ADGRL3: variants seen among roughly 807,000 people sequenced by gnomAD.
The protein encoded by ADGRL3 is calcium-independent alpha-latrotoxin receptor 3.
In ADGRL3, 62 loss-of-function variants were observed where a neutral mutation model predicts 153.5. That is an observed-to-expected ratio of 0.40 (90% CI 0.33 to 0.50). The LOEUF (loss-of-function observed/expected upper bound fraction) is 0.50. ADGRL3 is among the 20% of genes least tolerant of loss of function. ADGRL3 has a pLI of 0.47. For synonymous variants in ADGRL3, 710 were observed against 672.5 expected (o/e 1.06, Z -0.86); for missense variants, 1,641 against 1,859.4 (o/e 0.88, Z 2.16).
intron 9 of ADGRL3, among the ~76,000 whole-genome samples, chr4:61,877,956 A>G (rs1164909935): frequency 6.7e-6 from 1 of 150,214 alleles, no homozygotes; most frequent in African/African-American, 2.5e-5. Flanking sequence ...TTACCCCTTC[A>G]CTCTCTCTCT....
intron 5 of ADGRL3, among the ~76,000 whole-genome samples, chr4:61,639,166 G>T (rs562812533): frequency 3.3e-5 from 5 of 152,040 alleles, no homozygotes; most frequent in Non-Finnish European, 7.4e-5. Context: ...GCCTTTGTAC[G>T]CTAAAATAGA....
At chr4:61,986,864 A>G (rs756450116) in intron 19 of ADGRL3, among the ~76,000 whole-genome samples, 1 of 152,170 alleles carries the variant, frequency 6.6e-6, no homozygotes, top group African/African-American at 2.4e-5. Context: ...TCCAACATCT[A>G]TACAGTGCTG....
intron 1 of ADGRL3, among the ~76,000 whole-genome samples, chr4:61,236,934 T>G (rs1032352271): frequency 6.6e-6 from 1 of 152,312 alleles, no homozygotes. Context: ...AATTTGACTT[T>G]CTATTTCAGA....
At chr4:62,042,090 T>C (rs571158199) in intron 24 of ADGRL3, among the ~76,000 whole-genome samples, 1 of 152,128 alleles carries the variant, frequency 6.6e-6, no homozygotes, top group African/African-American at 2.4e-5. Flanking sequence ...AATTAATTTA[T>C]ATAGATGTAT....
At chr4:61,767,994 A>G (rs1450177754) in intron 8 of ADGRL3, among the ~76,000 whole-genome samples, 1 of 152,092 alleles carries the variant, frequency 6.6e-6, no homozygotes, top group African/African-American at 2.4e-5. Flanking sequence ...GGGTAATAAA[A>G]TGTATATTGA....
intron 1 of ADGRL3, among the ~76,000 whole-genome samples, chr4:61,321,169 CAT>C (rs1385589461): frequency 1.3e-5 from 2 of 152,116 alleles, no homozygotes; most frequent in Non-Finnish European, 2.9e-5. Flanking sequence ...TGCCATGTAA[CAT>C]AATAAGCTCT....
intron 5 of ADGRL3, among the ~76,000 whole-genome samples, chr4:61,601,965 T>A (rs2099013861): frequency 6.6e-6 from 1 of 152,310 alleles, no homozygotes; most frequent in African/African-American, 2.4e-5. Flanking sequence ...TGTGAATATA[T>A]GTTGTTAGAT....
intron 21 of ADGRL3, among the ~76,000 whole-genome samples, chr4:62,015,812 T>C (rs1024793306): frequency 3.3e-5 from 5 of 152,072 alleles, no homozygotes; most frequent in African/African-American, 4.8e-5. Flanking sequence ...CTTGCTGATA[T>C]ACATTTTGAA....
chr4:61,646,925 C>G (rs771671880), intron 5 of ADGRL3, among the ~76,000 whole-genome samples: 2 of 152,154 alleles, frequency 1.3e-5, no homozygotes, highest in Non-Finnish European at 2.9e-5. Flanking sequence ...TAGCAATCAG[C>G]GAGACTCCGT....
chr4:61,431,347 G>A (rs1462933553), intron 2 of ADGRL3, among the ~76,000 whole-genome samples: 1 of 152,144 alleles, frequency 6.6e-6, no homozygotes, highest in African/African-American at 2.4e-5. Flanking sequence ...TGTCCTCCTT[G>A]GATAGCAGGT....
chr4:61,456,646 A>G (rs757699898), intron 2 of ADGRL3, among the ~76,000 whole-genome samples: 14 of 151,372 alleles, frequency 9.2e-5, no homozygotes, highest in Non-Finnish European at 1.8e-4. Context: ...GTACAAAATG[A>G]TATGTGGCTC....
chr4:61,839,429 C>G (rs2148969905), intron 9 of ADGRL3, among the ~76,000 whole-genome samples: 1 of 152,050 alleles, frequency 6.6e-6, no homozygotes, highest in Admixed American at 6.6e-5. Flanking sequence ...CTCTTGTGCT[C>G]AAGAAATTCT....
chr4:61,887,112 T>C (rs2149537231), intron 9 of ADGRL3, among the ~76,000 whole-genome samples: 1 of 151,862 alleles, frequency 6.6e-6, no homozygotes, highest in Non-Finnish European at 1.5e-5. Flanking sequence ...TGATCTGCCC[T>C]CCTCAGCCTC....
intron 9 of ADGRL3, among the ~76,000 whole-genome samples, chr4:61,822,712 G>A (rs575659257): frequency 6.6e-6 from 1 of 152,218 alleles, no homozygotes; most frequent in South Asian, 2.1e-4. Context: ...ATCCCAGAGA[G>A]TAGAATGATC....
At chr4:61,314,540 A>C (rs1218803381) in intron 1 of ADGRL3, among the ~76,000 whole-genome samples, 3 of 152,212 alleles carry the variant, frequency 2.0e-5, no homozygotes, top group African/African-American at 7.2e-5. Context: ...GATCCCATGC[A>C]GTGATCTTAT....
chr4:61,657,596 T>G (rs2094476341), intron 5 of ADGRL3, among the ~76,000 whole-genome samples: 1 of 152,148 alleles, frequency 6.6e-6, no homozygotes, highest in African/African-American at 2.4e-5. Context: ...AAATTGTCTT[T>G]TTAATACTAT....
intron 8 of ADGRL3, among the ~76,000 whole-genome samples, chr4:61,748,897 A>G (rs1239830264): frequency 6.6e-6 from 1 of 151,474 alleles, no homozygotes; most frequent in Non-Finnish European, 1.5e-5. Flanking sequence ...GCACAGCAAA[A>G]GAAACTACCA....
At chr4:61,774,978 G>A (rs2097131082) in intron 8 of ADGRL3, among the ~76,000 whole-genome samples, 1 of 152,170 alleles carries the variant, frequency 6.6e-6, no homozygotes, top group Admixed American at 6.6e-5. Context: ...AAGGTTTAAA[G>A]TTGTCTCTGG....
intron 5 of ADGRL3, among the ~76,000 whole-genome samples, chr4:61,659,521 A>G (rs759335713): frequency 6.6e-6 from 1 of 152,162 alleles, no homozygotes; most frequent in East Asian, 1.9e-4. Context: ...TTTGCTATTT[A>G]AAAAACAGGT....
Sources: allele counts gnomAD v4.1 joint callset (sites outside exome capture counted in the v4.1 genomes callset), GRCh38; gene constraint gnomAD v4.1.1; transcripts MANE v1.5; gene names NCBI Gene and HGNC (gene_info 2026-07-23, HGNC 2026-07-21).